EXOC4: variants seen among roughly 807,000 people sequenced by gnomAD.
EXOC4 encodes the protein SEC8-like 1.
Under a neutral mutation model 107.2 loss-of-function variants are expected in EXOC4, and 71 were observed. The ratio of observed to expected loss-of-function variants is 0.66; its 90% CI spans 0.55 to 0.81. The LOEUF is 0.81. EXOC4 is among the 30% of genes least tolerant of loss of function. The pLI, the probability that EXOC4 is intolerant of heterozygous loss-of-function variation, is 0.00. For missense variants in EXOC4, 1,108 were observed against 1,189.6 expected, an observed-to-expected ratio of 0.93 and a Z score of 1.01; for synonymous variants, 456 against 441.2, an observed-to-expected ratio of 1.03 and a Z score of -0.42.
intron 11 of EXOC4, among the ~76,000 whole-genome samples, chr7:133,859,236 C>G (rs1452098611): frequency 2.0e-5 from 3 of 152,158 alleles, no homozygotes; most frequent in Non-Finnish European, 4.4e-5. Context: ...TCAGTGCCAC[C>G]TGGCTCTCTG....
intron 10 of EXOC4, among the ~76,000 whole-genome samples, chr7:133,816,724 T>G (rs955879092): frequency 1.3e-5 from 2 of 152,184 alleles, no homozygotes; most frequent in Non-Finnish European, 2.9e-5. Context: ...GGTCAGATAT[T>G]AGACTCTCAT....
intron 10 of EXOC4, among the ~76,000 whole-genome samples, chr7:133,728,668 C>T (rs1275248924): frequency 6.6e-6 from 1 of 152,146 alleles, no homozygotes. Flanking sequence ...ATTCTGTAAA[C>T]TTCTTTTGGG....
intron 9 of EXOC4, among the ~76,000 whole-genome samples, chr7:133,495,897 G>T (rs1799467956): frequency 6.6e-6 from 1 of 152,112 alleles, no homozygotes; most frequent in Non-Finnish European, 1.5e-5. Flanking sequence ...TACCATTATA[G>T]AAATTGATAA....
At chr7:133,761,657 T>A (rs1796035214) in intron 10 of EXOC4, among the ~76,000 whole-genome samples, 1 of 152,208 alleles carries the variant, frequency 6.6e-6, no homozygotes, top group African/African-American at 2.4e-5. Context: ...GCTCTTCCCA[T>A]CCCACTGTAT....
chr7:133,548,043 G>T (rs887622958), intron 9 of EXOC4, among the ~76,000 whole-genome samples: 24 of 151,812 alleles, frequency 1.6e-4, no homozygotes, highest in Non-Finnish European at 2.2e-4. Context: ...AAAATAATAG[G>T]ACTTAAGAAT....
At chr7:133,944,320 T>C (rs1370682960) in intron 14 of EXOC4, among the ~76,000 whole-genome samples, 1 of 152,186 alleles carries the variant, frequency 6.6e-6, no homozygotes, top group African/African-American at 2.4e-5. Context: ...TCCTAGACTT[T>C]CCTTGTTTTT....
chr7:133,838,303 G>A (rs1348072270), intron 11 of EXOC4, among the ~76,000 whole-genome samples: 2 of 152,158 alleles, frequency 1.3e-5, no homozygotes, highest in Admixed American at 1.3e-4. Context: ...AGCCATCTGA[G>A]TTAAAGTAGT....
intron 10 of EXOC4, among the ~76,000 whole-genome samples, chr7:133,785,384 T>C (rs1339703320): frequency 3.0e-5 from 1 of 33,138 alleles, no homozygotes; most frequent in Non-Finnish European, 6.7e-5. Flanking sequence ...ATGTTTTTAA[T>C]TGATTTTTTC....
At chr7:133,511,381 G>C (rs1455291734) in intron 9 of EXOC4, among the ~76,000 whole-genome samples, 1 of 152,060 alleles carries the variant, frequency 6.6e-6, no homozygotes, top group Non-Finnish European at 1.5e-5. Context: ...GATATATGGG[G>C]GAAACTAATG....
At chr7:133,699,455 A>G (rs144395206) in intron 10 of EXOC4, among the ~76,000 whole-genome samples, 5 of 152,318 alleles carry the variant, frequency 3.3e-5, no homozygotes, top group African/African-American at 1.2e-4. Flanking sequence ...CAGAGAGGCA[A>G]GGGAAGGTAA....
intron 1 of EXOC4, among the ~76,000 whole-genome samples, chr7:133,273,093 C>T (rs1364601014): frequency 6.6e-6 from 1 of 151,962 alleles, no homozygotes; most frequent in Non-Finnish European, 1.5e-5. Flanking sequence ...ATCTAGGAAC[C>T]CTTACCTTTG....
intron 10 of EXOC4, among the ~76,000 whole-genome samples, chr7:133,697,730 G>C (rs563805469): frequency 6.6e-6 from 1 of 152,270 alleles, no homozygotes; most frequent in East Asian, 1.9e-4. Flanking sequence ...TGCAGGATTG[G>C]GTGGAAAGTC....
chr7:134,062,969 G>T (rs1796100655), intron 17 of EXOC4, among the ~76,000 whole-genome samples: 1 of 152,214 alleles, frequency 6.6e-6, no homozygotes, highest in Non-Finnish European at 1.5e-5. Context: ...CTTTCTGCTA[G>T]AATTGTAACC....
At position 133,253,110 on chromosome 7, in the gene EXOC4, A is replaced by G; in HGVS notation, c.9A>G (p.Ala3=). 6.2e-7 allele frequency: 1 copy of G among 1,614,160 alleles called. No homozygotes were observed. The highest frequency in any genetic ancestry group is 8.5e-7 in the Non-Finnish European group (1 of 1,179,988). The change falls in exon 1 of 18, where the codon GCA becomes GCG. Residue 3 remains alanine, a synonymous_variant. Coordinates refer to ENST00000253861, the MANE Select transcript of EXOC4 (RefSeq NM_021807.4). MA[A]EAAGGKYRST... ...CTCTCCCCGCGTCCAAGATGGCGGCAGAAGCAGCTGGTGGGAAATACAGAA... is the reference window on the plus strand; with the variant it reads ...CTCTCCCCGCGTCCAAGATGGCGGCGGAAGCAGCTGGTGGGAAATACAGAA...
intron 7 of EXOC4, among the ~76,000 whole-genome samples, chr7:133,378,164 A>C (rs1478784808): frequency 6.6e-6 from 1 of 151,970 alleles, no homozygotes. Flanking sequence ...CAAAAGAATT[A>C]ACTGGGTGTG....
At chr7:134,080,236 A>G in the EXOC4 span, among the ~76,000 whole-genome samples, 1 of 152,116 alleles carries the variant, frequency 6.6e-6, no homozygotes, top group Non-Finnish European at 1.5e-5. Flanking sequence ...TCTACAACAA[A>G]AACAAAATTC....
At chr7:134,021,164 A>C (rs894574932) in intron 17 of EXOC4, among the ~76,000 whole-genome samples, 1 of 152,186 alleles carries the variant, frequency 6.6e-6, no homozygotes, top group Non-Finnish European at 1.5e-5. Flanking sequence ...GAGGAAACAA[A>C]TTAGCTCCCA....
At chr7:133,975,745 GCA>G (rs57377025) in intron 14 of EXOC4, among the ~76,000 whole-genome samples, 2,709 of 149,984 alleles carry the variant, frequency 0.018, 27 homozygotes, top group East Asian at 0.025. Context: ...AAATGCGTGT[GCA>G]CACACACACA....
chr7:133,390,742 T>C (rs115011753), intron 7 of EXOC4, among the ~76,000 whole-genome samples: 1,834 of 152,306 alleles, frequency 0.012, 41 homozygotes, highest in African/African-American at 0.041. Flanking sequence ...ACAAAACTTA[T>C]ATGTAATCAT....
Sources: allele counts gnomAD v4.1 joint callset (sites outside exome capture counted in the v4.1 genomes callset), GRCh38; gene constraint gnomAD v4.1.1; transcripts MANE v1.5; gene names NCBI Gene and HGNC (gene_info 2026-07-23, HGNC 2026-07-21).